Variants in NXPH2 observed in about 807,000 individuals in gnomAD.
The protein encoded by NXPH2 is neurexophilin-2.
A neutral mutation model predicts 19.8 loss-of-function variants in NXPH2; 5 were observed. The observed-to-expected ratio is 0.25, with a 90% CI of 0.13 to 0.53. The LOEUF (loss-of-function observed/expected upper bound fraction) is 0.53, where lower values mean the gene tolerates loss of function less well. Among genes scored for constraint, NXPH2 ranks in the 20% least tolerant of loss-of-function variants. NXPH2 has a pLI of 0.96. For synonymous variants in NXPH2, 154 were observed against 127.4 expected, an observed-to-expected ratio of 1.21 and a Z score of -1.41; for missense variants, 289 against 322.8, an observed-to-expected ratio of 0.90 and a Z score of 0.80.
intron 1 of NXPH2, among the ~76,000 whole-genome samples, chr2:138,761,765 G>T (rs984279197): frequency 6.6e-6 from 1 of 152,172 alleles, no homozygotes; most frequent in African/African-American, 2.4e-5. Context: ...AACTTTCAAA[G>T]ATTCTGGTTG....
At chr2:138,755,887 ATATTT>A (rs1681899972) in intron 1 of NXPH2, among the ~76,000 whole-genome samples, 4 of 151,916 alleles carry the variant, frequency 2.6e-5, no homozygotes, top group African/African-American at 9.7e-5. Context: ...GATCATGTAC[ATATTT>A]TATAAGATTT....
intron 1 of NXPH2, among the ~76,000 whole-genome samples, chr2:138,726,159 C>A (rs1043144142): frequency 6.6e-6 from 1 of 152,242 alleles, no homozygotes; most frequent in East Asian, 1.9e-4. Flanking sequence ...TCGCCTGCCT[C>A]GGCCTCCTGA....
At chr2:138,714,658 A>G (rs1681162153) in intron 1 of NXPH2, among the ~76,000 whole-genome samples, 1 of 152,210 alleles carries the variant, frequency 6.6e-6, no homozygotes, top group Admixed American at 6.5e-5. Flanking sequence ...AAAGGTACTG[A>G]AGATCCAAGT....
rs75247767 is a variant in NXPH2, at chr2:138,683,399, A to C, written c.52-11734T>G. Reference sequence around the variant, plus strand: ...AAAAAGGAAAGTTGCAATGGAGGGAAGAACAGTCAAGTGAGGAATAGTAAT... The same window carrying C: ...AAAAAGGAAAGTTGCAATGGAGGGACGAACAGTCAAGTGAGGAATAGTAAT... On this transcript the variant is annotated intron_variant, in intron 1 of 1. Transcript: ENST00000272641. Among the ~76,000 whole-genome samples the C allele has an allele frequency of 1.6e-3, 250 of 152,316 alleles. 3 individuals are homozygous for C. The East Asian group carries it at 0.042, about 26-fold the overall frequency.
At chr2:138,741,800 C>T (rs1370381261) in intron 1 of NXPH2, among the ~76,000 whole-genome samples, 1 of 152,138 alleles carries the variant, frequency 6.6e-6, no homozygotes, top group Non-Finnish European at 1.5e-5. Flanking sequence ...CTATTTCCTT[C>T]CTGCCCTTAC....
intron 1 of NXPH2, among the ~76,000 whole-genome samples, chr2:138,743,024 C>T (rs967767417): frequency 1.3e-5 from 2 of 152,168 alleles, no homozygotes; most frequent in African/African-American, 4.8e-5. Flanking sequence ...TTCTTATATA[C>T]AGGACTATTC....
At chr2:138,704,679 G>C (rs1471370626) in intron 1 of NXPH2, among the ~76,000 whole-genome samples, 1 of 152,146 alleles carries the variant, frequency 6.6e-6, no homozygotes, top group Non-Finnish European at 1.5e-5. Context: ...TTTAGAGACA[G>C]GGTCTTGCTC....
At chr2:138,740,719 T>A (rs1038899967) in intron 1 of NXPH2, among the ~76,000 whole-genome samples, 1 of 152,082 alleles carries the variant, frequency 6.6e-6, no homozygotes, top group African/African-American at 2.4e-5. Context: ...TCATCCAAGA[T>A]TTTAATTCTT....
At chr2:138,706,723 G>A (rs1013544299) in intron 1 of NXPH2, among the ~76,000 whole-genome samples, 2 of 151,922 alleles carry the variant, frequency 1.3e-5, no homozygotes, top group Non-Finnish European at 2.9e-5. Context: ...AACAGCCTGG[G>A]CAACATAGAA....
chr2:138,778,583 T>A (rs1385503542), intron 1 of NXPH2, among the ~76,000 whole-genome samples: 4 of 152,216 alleles, frequency 2.6e-5, no homozygotes, highest in African/African-American at 7.2e-5. Context: ...ACACAGTTCA[T>A]ATTTATTAAA....
At chr2:138,702,159 C>A (rs1345392850) in intron 1 of NXPH2, among the ~76,000 whole-genome samples, 1 of 152,070 alleles carries the variant, frequency 6.6e-6, no homozygotes, top group Non-Finnish European at 1.5e-5. Context: ...CTCTGTCTCC[C>A]AGGCTGGAGT....
At chr2:138,764,756 C>T (rs946786807) in intron 1 of NXPH2, among the ~76,000 whole-genome samples, 12 of 152,114 alleles carry the variant, frequency 7.9e-5, no homozygotes, top group Non-Finnish European at 1.6e-4. Context: ...ATTAGCTTTG[C>T]TCTTCCCAGT....
At chr2:138,671,716 C>T (rs60855564) in intron 1 of NXPH2, 51 bp from the exon 2 acceptor site, 152,903 of 1,488,868 alleles carry the variant, frequency 0.1, 8,818 homozygotes, top group Non-Finnish European at 0.11. Flanking sequence ...GCCGTGACTG[C>T]GCACTCAAAC....
intron 1 of NXPH2, among the ~76,000 whole-genome samples, chr2:138,704,198 T>C (rs555829994): frequency 6.6e-6 from 1 of 152,308 alleles, no homozygotes; most frequent in African/African-American, 2.4e-5. Flanking sequence ...TCAATGTTCC[T>C]GACTAAAATG....
rs371883313 is a variant in NXPH2, at chr2:138,741,596, C to T, written c.51+38595G>A. On this transcript the variant is annotated intron_variant, in intron 1 of 1. Transcript: ENST00000272641. ...TTCCCTGTCTGCAGAAGTAGTTCTACTCATAAATCCTATTTTGAAATAACC... is the reference window on the plus strand; with the variant it reads ...TTCCCTGTCTGCAGAAGTAGTTCTATTCATAAATCCTATTTTGAAATAACC... Among the ~76,000 whole-genome samples the T allele has an allele frequency of 1.6e-4, 25 of 152,274 alleles. 1 individual carries two copies. In the South Asian group the frequency reaches 4.8e-3, roughly 29 times the overall value.
At chr2:138,703,491 A>G (rs1228470885) in intron 1 of NXPH2, among the ~76,000 whole-genome samples, 8 of 152,208 alleles carry the variant, frequency 5.3e-5, no homozygotes, top group Non-Finnish European at 1.2e-4. Context: ...CCACTTGAGT[A>G]CAAGTGAAAT....
At chr2:138,736,626 T>C (rs1681543205) in intron 1 of NXPH2, among the ~76,000 whole-genome samples, 1 of 152,242 alleles carries the variant, frequency 6.6e-6, no homozygotes, top group African/African-American at 2.4e-5. Context: ...TCCCATTGTC[T>C]TGGAGATTAA....
rs537866120 is a variant in NXPH2 at position 138,733,349 on chromosome 2, A to G, written c.51+46842T>C. 7.3e-4 allele frequency among the ~76,000 whole-genome samples: 111 copies of G among 152,362 alleles called. 3 individuals are homozygous for G. The South Asian group carries it at 0.014, about 20-fold the overall frequency. On this transcript the variant is annotated intron_variant, in intron 1 of 1. Transcript: ENST00000272641. ...TGCGAAGTTACACATATTGAGAAAA[A>G]CATCTGAATTTAAACAGGGGCTGAA...
At chr2:138,712,217 T>A (rs1000664426) in intron 1 of NXPH2, among the ~76,000 whole-genome samples, 4 of 147,316 alleles carry the variant, frequency 2.7e-5, no homozygotes, top group Admixed American at 2.1e-4. Context: ...AGAACCTTCA[T>A]GGATGGAAGT....
Sources: gnomAD v4.1 joint callset for allele counts (sites outside exome capture counted in the v4.1 genomes callset) on GRCh38, gnomAD v4.1.1 for gene constraint, MANE v1.5 for transcripts, NCBI Gene and HGNC (gene_info 2026-07-23, HGNC 2026-07-21) for gene names.